NCOA4: variants seen among roughly 807,000 people sequenced by gnomAD.
The protein encoded by NCOA4 is 70 kDa AR-activator.
NCOA4 carries 31 observed loss-of-function variants against 69.5 expected under a neutral mutation model. The observed-to-expected ratio is 0.45, with a 90% CI of 0.34 to 0.60. The LOEUF (loss-of-function observed/expected upper bound fraction) is 0.60, where lower values mean the gene tolerates loss of function less well. Among genes scored for constraint, NCOA4 ranks in the 20% least tolerant of loss-of-function variants. The pLI, the probability that NCOA4 is intolerant of heterozygous loss-of-function variation, is 0.02. For synonymous variants in NCOA4, 228 were observed against 252.4 expected (o/e 0.90, Z 0.92); for missense variants, 600 against 719.2 (o/e 0.83, Z 1.90).
Position 46,006,469 on chromosome 10 carries a change from A to T in NCOA4, c.*123T>A. Reference sequence around the variant, plus strand: ...CACTTTGCTTTACTAGTTCAAAATTAGGCAGGAGAAGAACTAAGCTAATTG... The same window carrying T: ...CACTTTGCTTTACTAGTTCAAAATTTGGCAGGAGAAGAACTAAGCTAATTG... On this transcript the variant is annotated 3_prime_UTR_variant, in exon 10 of 10. Transcript: ENST00000581486. The T allele has an allele frequency of 9.2e-7, 1 of 1,087,474 alleles. No homozygotes were observed. The highest frequency in any genetic ancestry group is 1.4e-6 in the Non-Finnish European group (1 of 705,076). 67.4% of individuals were successfully genotyped at this position (1,087,474 alleles called of 1,614,324 possible). A position where few individuals can be genotyped will look rare whatever the true frequency, so the allele number is the denominator to read the frequency against.
Position 46,011,211 on chromosome 10 carries a change from A to AG in NCOA4, c.715-6_715-5insC. 2.5e-6 allele frequency: 4 copies of AG among 1,575,390 alleles called. No individual in the cohort carries two copies. The highest frequency in any genetic ancestry group is 3.4e-6 in the Non-Finnish European group (4 of 1,166,184). ...ATTGCAGGCTCTGGAAGAAGTCTAC[A>AG]CAAAAAGTACACAGTATTAGTTTGC... On this transcript the variant is annotated splice_polypyrimidine_tract_variant and splice_region_variant and intron_variant, in intron 7 of 9. Coordinates refer to ENST00000581486, the MANE Select transcript of NCOA4 (RefSeq NM_001145263.2).
At chr10:46,018,803 G>C (rs1554923815) in intron 1 of NCOA4, among the ~76,000 whole-genome samples, 1 of 152,184 alleles carries the variant, frequency 6.6e-6, no homozygotes, top group Non-Finnish European at 1.5e-5. Flanking sequence ...CAGCTTTGGG[G>C]TGAAAAGTGG....
chr10:46,007,463 AAAC>A (rs1262448491), intron 9 of NCOA4, among the ~76,000 whole-genome samples: 4 of 152,210 alleles, frequency 2.6e-5, no homozygotes, highest in Non-Finnish European at 4.4e-5. Context: ...AGTGCAGACA[AAAC>A]AACTTCCTAT....
intron 1 of NCOA4, chr10:46,019,303 G>A: frequency 1.0e-6 from 1 of 983,828 alleles, no homozygotes; most frequent in Non-Finnish European, 1.2e-6. Context: ...GGAACTCACT[G>A]CAGGGACTAT....
chr10:46,021,796 A>C (rs7894281), intron 1 of NCOA4, among the ~76,000 whole-genome samples: 148,646 of 152,126 alleles, frequency 0.98, 72,718 homozygotes, highest in Middle Eastern at 1. Context: ...CCTGTCTCTA[A>C]TAAAAATACA....
At chr10:46,014,378 T>C in intron 5 of NCOA4, 66 bp downstream of exon 5, 1 of 1,194,680 alleles carries the variant, frequency 8.4e-7, no homozygotes, top group Non-Finnish European at 1.2e-6. Context: ...ATAGCAATTT[T>C]TTTTAAGACC....
intron 8 of NCOA4, 59 bp from the exon 9 acceptor site, chr10:46,009,610 T>C (rs1412738639): frequency 6.8e-7 from 1 of 1,472,712 alleles, no homozygotes; most frequent in Non-Finnish European, 9.3e-7. Flanking sequence ...GAGACCAACT[T>C]ATCTTCCAAA....
At chr10:46,012,111 AG>A (rs1839269543) in intron 7 of NCOA4, among the ~76,000 whole-genome samples, 162 of 145,906 alleles carry the variant, frequency 1.1e-3, no homozygotes, top group Middle Eastern at 3.6e-3. Context: ...AAACGAAAAA[AG>A]AAAATACTCA....
intron 9 of NCOA4, 58 bp downstream of exon 9, chr10:46,009,353 A>G: frequency 6.4e-7 from 1 of 1,571,712 alleles, no homozygotes; most frequent in South Asian, 1.1e-5. Context: ...ATGTAAGACA[A>G]AACATTTATT....
At chr10:46,023,600 C>T (rs1164974648) in intron 1 of NCOA4, 2 of 896,268 alleles carry the variant, frequency 2.2e-6, no homozygotes, top group African/African-American at 3.6e-5. Context: ...GGCCTCCCTG[C>T]TAGACGCCTG....
intron 3 of NCOA4, 35 bp downstream of exon 3, chr10:46,015,091 T>C (rs1284535485): frequency 3.7e-6 from 6 of 1,613,810 alleles, no homozygotes; most frequent in Non-Finnish European, 5.1e-6. Flanking sequence ...CCAGAAGCCA[T>C]GCTCAAACCA....
intron 1 of NCOA4, among the ~76,000 whole-genome samples, chr10:46,019,117 G>A (rs189390019): frequency 1.5e-4 from 23 of 152,210 alleles, no homozygotes; most frequent in African/African-American, 5.1e-4. Flanking sequence ...ATTTTGTTTC[G>A]TCAGTCTCTT....
intron 1 of NCOA4, chr10:46,023,394 C>T (rs1839998344): frequency 1.0e-6 from 1 of 985,730 alleles, no homozygotes; most frequent in Non-Finnish European, 1.2e-6. Flanking sequence ...ACCCCTGACC[C>T]GAGTGCGAAA....
intron 1 of NCOA4, among the ~76,000 whole-genome samples, chr10:46,029,476 G>C (rs1201399052): frequency 6.6e-6 from 1 of 152,084 alleles, no homozygotes; most frequent in African/African-American, 2.4e-5. Flanking sequence ...CTAGGATCTC[G>C]GTATAAAAAT....
intron 1 of NCOA4, among the ~76,000 whole-genome samples, chr10:46,023,636 A>C (rs1482401464): frequency 2.0e-5 from 3 of 152,228 alleles, no homozygotes; most frequent in African/African-American, 7.2e-5. Flanking sequence ...CCCCAGGGTA[A>C]GGCCAGCTAG....
intron 1 of NCOA4, among the ~76,000 whole-genome samples, chr10:46,019,873 A>AT (rs1839773777): frequency 6.6e-6 from 1 of 152,154 alleles, no homozygotes; most frequent in African/African-American, 2.4e-5. Context: ...CACGAAGAAA[A>AT]TCTGTTTCAT....
intron 7 of NCOA4, 129 bp from the exon 8 acceptor site, chr10:46,011,335 T>C: frequency 1.1e-6 from 1 of 871,350 alleles, no homozygotes; most frequent in Non-Finnish European, 1.7e-6. Flanking sequence ...TGGCACAATC[T>C]CAGCTCACTG....
chr10:46,024,297 C>T (rs1840046421), intron 1 of NCOA4, among the ~76,000 whole-genome samples: 1 of 152,180 alleles, frequency 6.6e-6, no homozygotes. Context: ...TCAATGGCAA[C>T]AAAGAAGGAA....
chr10:46,005,796 C>T lies in NCOA4; in HGVS notation c.*796G>A, dbSNP rs1265047508. 4.7e-6 allele frequency: 1 copy of T among 211,384 alleles called. No homozygotes were observed. Among genetic ancestry groups the T allele is most frequent in the African/African-American group, 2.3e-5 (1 of 44,072 alleles). The allele number at this position is 211,384 out of a possible 1,614,324, so 13.1% of individuals were successfully genotyped here. ...TTCAAGTACTATACTACATTTCCAACATGTCTTTTGCCTATTTGCTTAGTC... is the reference window on the plus strand; with the variant it reads ...TTCAAGTACTATACTACATTTCCAATATGTCTTTTGCCTATTTGCTTAGTC... On this transcript the variant is annotated 3_prime_UTR_variant, in exon 10 of 10. Coordinates refer to ENST00000581486, the MANE Select transcript of NCOA4 (RefSeq NM_001145263.2).
Sources: allele counts gnomAD v4.1 joint callset (sites outside exome capture counted in the v4.1 genomes callset), GRCh38; gene constraint gnomAD v4.1.1; transcripts MANE v1.5; gene names NCBI Gene and HGNC (gene_info 2026-07-23, HGNC 2026-07-21).